Variants in THYN1 observed in about 807,000 individuals in gnomAD.
THYN1 encodes thymocyte nuclear protein 1.
In THYN1, 32 loss-of-function variants were observed where a neutral mutation model predicts 30.6. The observed-to-expected ratio is 1.05, with a 90% CI of 0.79 to 1.40. The LOEUF (loss-of-function observed/expected upper bound fraction) is 1.40, where lower values mean the gene tolerates loss of function less well. Among genes scored for constraint, THYN1 ranks in the 40% most tolerant of loss-of-function variants. The pLI is 0.00. For synonymous variants in THYN1, 107 were observed against 90.8 expected (o/e 1.18, Z -1.01); for missense variants, 259 against 272.6 (o/e 0.95, Z 0.35).
intron 4 of THYN1, 55 bp from the exon 5 acceptor site, chr11:134,249,317 A>G (rs1050722011): frequency 1.3e-6 from 2 of 1,541,648 alleles, no homozygotes; most frequent in African/African-American, 1.4e-5. Flanking sequence ...TCCACAGCCA[A>G]TCTTTTAATC....
chr11:134,248,952 A>G lies in THYN1; in HGVS notation c.488T>C (p.Val163Ala). 1 of 1,614,198 alleles carries G rather than the reference A, an allele frequency of 6.2e-7. No individual in the cohort carries two copies. Among genetic ancestry groups the G allele is most frequent in the Non-Finnish European group, 8.5e-7 (1 of 1,180,038 alleles). Residue 163 changes from valine (V) to alanine (A), a missense_variant, in exon 6 of 7, where the codon GTA becomes GCA. Coordinates refer to ENST00000341541, the MANE Select transcript of THYN1 (RefSeq NM_014174.3). ...ACGTTTCATCATCCGAACAAACTGT[A>G]CATCCACCTATGTGACAACAGTGTA... The part of the protein sequence containing the change: ...EDNPKWSMVD[V>A]QFVRMMKRFI...
rs185577463 is a variant in THYN1, at chr11:134,249,202, G to C, written c.445C>G (p.Pro149Ala). The C allele has an allele frequency of 3.1e-6, 5 of 1,614,124 alleles. No individual in the cohort carries two copies. In the Middle Eastern group the frequency reaches 5.0e-4, roughly 160 times the overall value. Residue 149 changes from proline to alanine, a missense_variant, in exon 5 of 7, where the codon CCA becomes GCA. Physicochemically the swap from Pro to Ala is conservative, Grantham distance 27. Transcript: ENST00000341541. Reference sequence around the variant, plus strand: ...TTAGGGTTGTCCTCTTTGCTAGATGGGTCATAATGGGGATTGTTTTTCTCA... The same window carrying C: ...TTAGGGTTGTCCTCTTTGCTAGATGCGTCATAATGGGGATTGTTTTTCTCA... ...QFEKNNPHYD[P>A]SSKEDNPKWS...
At chr11:134,251,673 G>T in intron 1 of THYN1, 1 of 181,854 alleles carries the variant, frequency 5.5e-6, no homozygotes, top group Non-Finnish European at 1.1e-5. Flanking sequence ...CTTAAATGAG[G>T]TAATACAAAG....
At chr11:134,249,114 TCTTCCCCTGGTTCATC>T (rs1565362046) in intron 5 of THYN1, 37 bp downstream of exon 5, 2 of 1,581,458 alleles carry the variant, frequency 1.3e-6, no homozygotes, top group Non-Finnish European at 1.7e-6. Flanking sequence ...CCAACCGTCT[TCTTCCCCTGGTTCATC>T]CTTCCCCTGT....
Position 134,249,202 on chromosome 11 carries a change from G to A in THYN1, c.445C>T (p.Pro149Ser), listed in dbSNP as rs185577463. The A allele has an allele frequency of 7.4e-5, 120 of 1,614,124 alleles. No individual in the cohort carries two copies. Among genetic ancestry groups the A allele is most frequent in the Non-Finnish European group, 1.4e-5 (16 of 1,180,032 alleles). The change falls in exon 5 of 7, where the codon CCA (proline) becomes TCA (serine). Residue 149 changes from proline to serine, a missense_variant. Coordinates refer to ENST00000341541, the MANE Select transcript of THYN1 (RefSeq NM_014174.3). The part of the protein sequence containing the change: ...QFEKNNPHYD[P>S]SSKEDNPKWS... ...TTAGGGTTGTCCTCTTTGCTAGATG[G>A]GTCATAATGGGGATTGTTTTTCTCA...
At chr11:134,251,015 C>G in intron 2 of THYN1, 115 bp downstream of exon 2, 1 of 1,188,390 alleles carries the variant, frequency 8.4e-7, no homozygotes, top group Non-Finnish European at 1.1e-6. Context: ...TTCATTTTTA[C>G]CTTTTTCCTT....
At chr11:134,250,245 T>C in intron 3 of THYN1, 30 bp downstream of exon 3, 2 of 1,613,612 alleles carry the variant, frequency 1.2e-6, no homozygotes, top group Non-Finnish European at 1.7e-6. Context: ...CCCACCTGGG[T>C]CTCAGGCGAC....
chr11:134,253,139 AG>A lies in THYN1; in HGVS notation c.-258del. 7.4e-7 allele frequency: 1 copy of A among 1,351,148 alleles called. No homozygotes were observed. The highest frequency in any genetic ancestry group is 9.5e-7 in the Non-Finnish European group (1 of 1,056,524). The allele number at this position is 1,351,148 out of a possible 1,614,324, so 83.7% of individuals were successfully genotyped here. ...GTTCTGTCCTTGGTCCTTCTCATCC[AG>A]GAACCCCTATCTCAGTATGTAGTTC... On this transcript the variant is annotated 5_prime_UTR_variant, in exon 1 of 7. Transcript: ENST00000341541.
In THYN1 at chr11:134,251,196, A is replaced by T; in HGVS notation, c.156T>A (p.Asn52Lys). 6.2e-7 allele frequency: 1 copy of T among 1,614,214 alleles called. No homozygotes were observed. Among genetic ancestry groups the T allele is most frequent in the Non-Finnish European group, 8.5e-7 (1 of 1,180,040 alleles). Residue 52 changes from asparagine (N) to lysine (K), a missense_variant, in exon 2 of 7, where the codon AAT becomes AAA. Physicochemically the swap from Asn to Lys is moderately conservative, Grantham distance 94. Coordinates refer to ENST00000341541, the MANE Select transcript of THYN1 (RefSeq NM_014174.3). ...KTSATKNCLK[N>K]LSSHWLMKSE... ...ACTTCATCAGCCAGTGGCTGCTTAG[A>T]TTCTTCAAACAGTTTTTAGTGGCTG...
rs527760228 is a variant in THYN1 at position 134,248,302 on chromosome 11, G to A, written c.*136C>T. On this transcript the variant is annotated 3_prime_UTR_variant, in exon 7 of 7. Transcript: ENST00000341541. ...AGTTCTTCAACTTTGATATTTTATT[G>A]AAAAAAGTACACAAAAACCACTGAG... 16 of 1,039,668 alleles carry A rather than the reference G, an allele frequency of 1.5e-5. No individual in the cohort carries two copies. In the African/African-American group the frequency reaches 2.0e-4, roughly 13 times the overall value. 64.4% of individuals were successfully genotyped at this position (1,039,668 alleles called of 1,614,324 possible).
chr11:134,250,260 T>C lies in THYN1; in HGVS notation c.291+15A>G. ...CCCACCTGGGTCTCAGGCGACCTCC[T>C]CCTTACCCTCTTACCTGGTAGTTAC... On this transcript the variant is annotated intron_variant, in intron 3 of 6. Coordinates refer to ENST00000341541, the MANE Select transcript of THYN1 (RefSeq NM_014174.3). The C allele has an allele frequency of 1.2e-6, 2 of 1,614,140 alleles. No homozygotes were observed. The highest frequency in any genetic ancestry group is 1.7e-6 in the Non-Finnish European group (2 of 1,179,970).
chr11:134,252,663 A>G (rs1939146775), intron 1 of THYN1, among the ~76,000 whole-genome samples, 177 bp downstream of exon 1: 1 of 152,228 alleles, frequency 6.6e-6, no homozygotes, highest in South Asian at 2.1e-4. Context: ...AAGAAAAAGG[A>G]ACTGTAGGTA....
At chr11:134,250,016 C>A in intron 3 of THYN1, 96 bp from the exon 4 acceptor site, 1 of 1,249,424 alleles carries the variant, frequency 8.0e-7, no homozygotes, top group Non-Finnish European at 1.1e-6. Context: ...ATGGGTGATT[C>A]TTGTCTGCAA....
At chr11:134,252,692 TAAA>T in intron 1 of THYN1, 145 bp downstream of exon 1, 4 of 892,000 alleles carry the variant, frequency 4.5e-6, no homozygotes, top group East Asian at 2.7e-5. Context: ...GTGAGACAAG[TAAA>T]GAAGATGGAG....
At chr11:134,248,543 A>T (rs1938895452) in intron 6 of THYN1, 59 bp from the exon 7 acceptor site, 1 of 1,600,688 alleles carries the variant, frequency 6.2e-7, no homozygotes, top group Admixed American at 1.7e-5. Context: ...CTTGAACAGG[A>T]AAGTTGTGCC....
chr11:134,251,550 C>A, intron 1 of THYN1: 2 of 457,856 alleles, frequency 4.4e-6, no homozygotes, highest in Non-Finnish European at 7.7e-6. Context: ...CAGGGTTGTT[C>A]AGGATTAAAG....
At chr11:134,252,528 T>C (rs1300196574) in intron 1 of THYN1, among the ~76,000 whole-genome samples, 2 of 152,152 alleles carry the variant, frequency 1.3e-5, no homozygotes, top group East Asian at 1.9e-4. Flanking sequence ...AACTTAACAA[T>C]CCATTTTCCT....
In THYN1 at chr11:134,252,963, C is replaced by T; in HGVS notation, c.-81G>A. 1 of 1,497,158 alleles carries T rather than the reference C, an allele frequency of 6.7e-7. No homozygotes were observed. The allele number at this position is 1,497,158 out of a possible 1,614,324, so 92.7% of individuals were successfully genotyped here. A position where few individuals can be genotyped will look rare whatever the true frequency, so the allele number is the denominator to read the frequency against. On this transcript the variant is annotated 5_prime_UTR_variant, in exon 1 of 7. Transcript: ENST00000341541. ...GAAAGAATGCTAATGTCCTCCAAAACCCGCGCAGAGCGAGATGGAGGCAAC... is the reference window on the plus strand; with the variant it reads ...GAAAGAATGCTAATGTCCTCCAAAATCCGCGCAGAGCGAGATGGAGGCAAC...
intron 1 of THYN1, among the ~76,000 whole-genome samples, 184 bp downstream of exon 1, chr11:134,252,656 A>G (rs1401267779): frequency 6.6e-6 from 1 of 152,230 alleles, no homozygotes; most frequent in Non-Finnish European, 1.5e-5. Context: ...AATAAACAAG[A>G]AAAAGGAACT....
Sources: allele counts gnomAD v4.1 joint callset (sites outside exome capture counted in the v4.1 genomes callset), GRCh38; gene constraint gnomAD v4.1.1; transcripts MANE v1.5; gene names NCBI Gene and HGNC (gene_info 2026-07-23, HGNC 2026-07-21).